Variants in XKR9 observed in about 807,000 individuals in gnomAD.
The protein encoded by XKR9 is XK-related protein 9.
A neutral mutation model predicts 32.0 loss-of-function variants in XKR9; 32 were observed. The observed-to-expected ratio is 1.00, with a 90% CI of 0.76 to 1.34. The LOEUF (loss-of-function observed/expected upper bound fraction) is 1.34, where lower values mean the gene tolerates loss of function less well. XKR9 is among the 40% of genes most tolerant of loss of function. The pLI is 0.00. For missense variants in XKR9, 546 were observed against 429.7 expected, an observed-to-expected ratio of 1.27 and a Z score of -2.39; for synonymous variants, 168 against 143.4, an observed-to-expected ratio of 1.17 and a Z score of -1.22.
intron 3 of XKR9, among the ~76,000 whole-genome samples, chr8:70,686,305 G>A (rs942703952): frequency 2.0e-5 from 3 of 148,382 alleles, no homozygotes; most frequent in African/African-American, 7.5e-5. Flanking sequence ...GCAGTGGTGC[G>A]GTCACAGGTA....
At chr8:70,700,822 C>T (rs2132160701) in intron 3 of XKR9, among the ~76,000 whole-genome samples, 1 of 152,350 alleles carries the variant, frequency 6.6e-6, no homozygotes, top group South Asian at 2.1e-4. Context: ...CCTCCTTGAG[C>T]TGTGCTGGGC....
chr8:71,043,316 T>C, the XKR9 span, among the ~76,000 whole-genome samples: 1 of 152,198 alleles, frequency 6.6e-6, no homozygotes, highest in Non-Finnish European at 1.5e-5. Flanking sequence ...CCCCACACCA[T>C]GTTTTGGAAT....
the XKR9 span, among the ~76,000 whole-genome samples, chr8:70,986,707 A>T: frequency 7.9e-5 from 12 of 152,216 alleles, no homozygotes; most frequent in Non-Finnish European, 7.3e-5. Context: ...ATATATTTTT[A>T]AAACACTTCT....
At chr8:70,783,849 G>C (rs554360688) in intron 2 of XKR9, among the ~76,000 whole-genome samples, 3 of 152,032 alleles carry the variant, frequency 2.0e-5, no homozygotes, top group Non-Finnish European at 4.4e-5. Flanking sequence ...AGTCTTATAT[G>C]TAAGTCTTTA....
chr8:70,711,078 C>G (rs141674109), intron 4 of XKR9, among the ~76,000 whole-genome samples: 93 of 152,230 alleles, frequency 6.1e-4, no homozygotes, highest in African/African-American at 2.2e-3. Flanking sequence ...ATGAGATACC[C>G]TTGCACATCA....
chr8:70,805,391 C>CG, the XKR9 span, among the ~76,000 whole-genome samples: 1 of 152,198 alleles, frequency 6.6e-6, no homozygotes, highest in Non-Finnish European at 1.5e-5. Flanking sequence ...ACCGAGCTCC[C>CG]GGGGGGAGGG....
At chr8:71,018,297 A>G in the XKR9 span, among the ~76,000 whole-genome samples, 1 of 152,218 alleles carries the variant, frequency 6.6e-6, no homozygotes, top group Admixed American at 6.5e-5. Flanking sequence ...TAAGAAAGGT[A>G]AAGGACTAGG....
In XKR9 at chr8:70,706,945, C is replaced by G; in HGVS notation, c.285C>G (p.Ala95=). 1 of 1,611,322 alleles carries G rather than the reference C, an allele frequency of 6.2e-7. No individual in the cohort carries two copies. Among genetic ancestry groups the G allele is most frequent in the Non-Finnish European group, 8.5e-7 (1 of 1,178,382 alleles). The part of the protein sequence containing the change: ...QGGVFTRYWF[A]LKRGYHAAFK... ...GTTTACTTTATAGGTATTGGTTTGC[C>G]TTAAAAAGGGGTTACCATGCAGCTT... The change falls in exon 4 of 5, where the codon GCC becomes GCG. Residue 95 remains alanine, a synonymous_variant. Transcript: ENST00000408926.
At chr8:70,756,036 G>C (rs1034361859) in intron 2 of XKR9, among the ~76,000 whole-genome samples, 3 of 152,080 alleles carry the variant, frequency 2.0e-5, no homozygotes, top group Non-Finnish European at 4.4e-5. Context: ...TGATGTATTT[G>C]GAGTTGATTT....
the XKR9 span, among the ~76,000 whole-genome samples, chr8:70,837,451 A>T: frequency 6.6e-6 from 1 of 152,092 alleles, no homozygotes; most frequent in African/African-American, 2.4e-5. Flanking sequence ...TGAGATTATG[A>T]GTTTACAGAG....
intron 2 of XKR9, among the ~76,000 whole-genome samples, chr8:70,763,955 C>T (rs1276175160): frequency 6.6e-6 from 1 of 152,142 alleles, no homozygotes; most frequent in Non-Finnish European, 1.5e-5. Context: ...TTTTTCAGGC[C>T]CTTGTAGTCC....
chr8:70,870,778 G>T, the XKR9 span, among the ~76,000 whole-genome samples: 1 of 152,150 alleles, frequency 6.6e-6, no homozygotes, highest in Non-Finnish European at 1.5e-5. Context: ...CCTATGAAAA[G>T]ATCAAAATAA....
At chr8:70,906,565 G>C in the XKR9 span, among the ~76,000 whole-genome samples, 1 of 152,336 alleles carries the variant, frequency 6.6e-6, no homozygotes, top group East Asian at 1.9e-4. Flanking sequence ...GATTTTAGCA[G>C]TTATTTGATG....
chr8:70,962,334 T>C, the XKR9 span, among the ~76,000 whole-genome samples: 4 of 152,278 alleles, frequency 2.6e-5, no homozygotes, highest in South Asian at 8.3e-4. Context: ...CAGTACCCAA[T>C]AGTTTTTCAA....
the XKR9 span, among the ~76,000 whole-genome samples, chr8:70,972,762 C>T: frequency 6.6e-6 from 1 of 152,070 alleles, no homozygotes. Flanking sequence ...TGGCATATCA[C>T]ATTTATTGAC....
In XKR9 at chr8:70,775,006, A is replaced by G. The variant is rs542320538; in HGVS notation, n.353-14333A>G. Among the ~76,000 whole-genome samples, 64 of 152,084 alleles carry G rather than the reference A, an allele frequency of 4.2e-4. 1 individual carries two copies. Among genetic ancestry groups the G allele is most frequent in the Non-Finnish European group, 7.8e-4 (53 of 67,998 alleles). ...ATATCTTTCATCTACACAGGTCTTTAATTGTTCTCAGCCATGTTTTATAAT... is the reference window on the plus strand; with the variant it reads ...ATATCTTTCATCTACACAGGTCTTTGATTGTTCTCAGCCATGTTTTATAAT... On this transcript the variant is annotated intron_variant and non_coding_transcript_variant, in intron 2 of 3. Transcript: ENST00000520273.
chr8:70,761,792 C>T (rs2124958), intron 2 of XKR9, among the ~76,000 whole-genome samples: 48,435 of 151,898 alleles, frequency 0.32, 9,084 homozygotes, highest in Non-Finnish European at 0.43. Context: ...TGAATGGTAT[C>T]GCCTAGGTTT....
the XKR9 span, among the ~76,000 whole-genome samples, chr8:70,802,227 C>T: frequency 3.9e-5 from 6 of 152,274 alleles, no homozygotes; most frequent in African/African-American, 7.2e-5. Flanking sequence ...TGAGCCACCG[C>T]GCCCGGCCCT....
chr8:70,695,905 G>T (rs1457106459), intron 3 of XKR9, among the ~76,000 whole-genome samples: 1 of 151,620 alleles, frequency 6.6e-6, no homozygotes, highest in East Asian at 1.9e-4. Flanking sequence ...TTGTGGTTTT[G>T]ATTTGCATTT....
Sources: gnomAD v4.1 joint callset for allele counts (sites outside exome capture counted in the v4.1 genomes callset) on GRCh38, gnomAD v4.1.1 for gene constraint, MANE v1.5 for transcripts, NCBI Gene and HGNC (gene_info 2026-07-23, HGNC 2026-07-21) for gene names.